Variants in RIN2 observed in about 807,000 individuals in gnomAD.
RIN2 encodes Ras and Rab interactor 2.
RIN2 carries 36 observed loss-of-function variants against 78.0 expected under a neutral mutation model. The observed-to-expected ratio is 0.46, with a 90% CI of 0.35 to 0.61. The LOEUF is 0.61. Ranked by LOEUF, RIN2 falls within the 20% of genes least tolerant of loss-of-function variation. The pLI is 0.00. For synonymous variants in RIN2, 466 were observed against 466.8 expected, an observed-to-expected ratio of 1.00 and a Z score of 0.02; for missense variants, 1,087 against 1,159.7, an observed-to-expected ratio of 0.94 and a Z score of 0.91.
intron 1 of RIN2, among the ~76,000 whole-genome samples, chr20:19,764,317 T>C (rs1454330084): frequency 2.0e-5 from 3 of 152,194 alleles, no homozygotes; most frequent in Admixed American, 6.5e-5. Context: ...AGCAGACATC[T>C]GTCCTGTGTG....
intron 1 of RIN2, among the ~76,000 whole-genome samples, chr20:19,765,995 A>T (rs532047439): frequency 6.6e-6 from 1 of 152,218 alleles, no homozygotes; most frequent in East Asian, 1.9e-4. Context: ...TCCTAGGTTG[A>T]CGGAGGCGCT....
At chr20:19,992,809 A>G (rs2042837034) in intron 11 of RIN2, among the ~76,000 whole-genome samples, 1 of 152,254 alleles carries the variant, frequency 6.6e-6, no homozygotes, top group Non-Finnish European at 1.5e-5. Context: ...TTCCATTGCC[A>G]GGAAAATAAC....
chr20:19,812,454 A>G (rs1470623272), intron 2 of RIN2, among the ~76,000 whole-genome samples: 6 of 152,132 alleles, frequency 3.9e-5, no homozygotes, highest in Non-Finnish European at 7.4e-5. Flanking sequence ...GCCTTTCCCT[A>G]CAGACTAATG....
At chr20:19,890,731 A>G (rs1314285075) in intron 3 of RIN2, among the ~76,000 whole-genome samples, 1 of 151,350 alleles carries the variant, frequency 6.6e-6, no homozygotes, top group Non-Finnish European at 1.5e-5. Flanking sequence ...TGATAAAGCA[A>G]AGTTCATGAG....
chr20:19,968,711 T>C (rs1337419993), intron 7 of RIN2, among the ~76,000 whole-genome samples: 7 of 151,946 alleles, frequency 4.6e-5, no homozygotes, highest in African/African-American at 1.7e-4. Flanking sequence ...TAAACACAGG[T>C]TGGTTTTGTG....
At chr20:19,867,900 G>A (rs1434369625) in intron 2 of RIN2, among the ~76,000 whole-genome samples, 1 of 152,240 alleles carries the variant, frequency 6.6e-6, no homozygotes, top group Non-Finnish European at 1.5e-5. Flanking sequence ...TGTGCAGCTG[G>A]GTGAGCCGGC....
chr20:19,871,068 C>T (rs528444900), intron 2 of RIN2, among the ~76,000 whole-genome samples: 22 of 152,292 alleles, frequency 1.4e-4, no homozygotes, highest in African/African-American at 5.1e-4. Context: ...TTCAAGGGCT[C>T]ATTTGTATTG....
At chr20:19,961,237 C>T (rs1267571714) in intron 6 of RIN2, among the ~76,000 whole-genome samples, 1 of 152,116 alleles carries the variant, frequency 6.6e-6, no homozygotes, top group East Asian at 1.9e-4. Context: ...ATAAATAATC[C>T]CTGAGCAGAC....
intron 1 of RIN2, among the ~76,000 whole-genome samples, chr20:19,788,450 C>CAAAAAAAAAACAAAAAAAAA (rs908072671): frequency 9.7e-6 from 1 of 103,520 alleles, no homozygotes; most frequent in Admixed American, 8.7e-5. Context: ...AAAAAAAAAA[C>CAAAAAAAAAACAAAAAAAAA]AACTAGCTAG....
At chr20:19,992,373 A>G in intron 11 of RIN2, 74 bp downstream of exon 11, 1 of 1,388,320 alleles carries the variant, frequency 7.2e-7, no homozygotes, top group South Asian at 1.4e-5. Flanking sequence ...GACGAAATTC[A>G]TGTCACATAA....
chr20:19,848,532 C>T (rs1222215790), intron 2 of RIN2, among the ~76,000 whole-genome samples: 1 of 99,274 alleles, frequency 1.0e-5, no homozygotes, highest in African/African-American at 5.3e-5. Context: ...AAGACTCCAT[C>T]TCAAAAAAAA....
intron 12 of RIN2, 147 bp downstream of exon 12, chr20:19,996,989 C>A: frequency 1.2e-6 from 1 of 822,788 alleles, no homozygotes; most frequent in Non-Finnish European, 1.9e-6. Flanking sequence ...CCTTGTTACA[C>A]TGATCTGTTT....
intron 3 of RIN2, among the ~76,000 whole-genome samples, chr20:19,917,122 A>AG (rs2039717015): frequency 6.6e-6 from 1 of 151,382 alleles, no homozygotes; most frequent in Non-Finnish European, 1.5e-5. Context: ...AAAAAAAAAA[A>AG]GGCAGGCGGA....
chr20:19,931,246 A>G (rs1033829725), intron 3 of RIN2, among the ~76,000 whole-genome samples: 23 of 152,370 alleles, frequency 1.5e-4, no homozygotes, highest in African/African-American at 5.5e-4. Context: ...ATCTATAAAC[A>G]TACAGTACAG....
intron 2 of RIN2, chr20:19,886,531 T>G: frequency 5.1e-6 from 3 of 582,556 alleles, no homozygotes; most frequent in Admixed American, 3.1e-5. Context: ...CTTTCAGTGG[T>G]GTTGTTGAAA....
At chr20:19,905,991 A>G (rs1480330559) in intron 3 of RIN2, among the ~76,000 whole-genome samples, 1 of 143,940 alleles carries the variant, frequency 6.9e-6, no homozygotes, top group African/African-American at 2.6e-5. Flanking sequence ...CAGTATCTCT[A>G]TTTCACAAAC....
At position 19,974,711 on chromosome 20, in the gene RIN2, C is replaced by T. The variant is rs2042212433; in HGVS notation, c.686C>T (p.Pro229Leu). ...CCGAACCTTCCACCTCCCCATAGGCCTCTTTCCTCCGACGGTGTCTGTCCT... is the reference window on the plus strand; with the variant it reads ...CCGAACCTTCCACCTCCCCATAGGCTTCTTTCCTCCGACGGTGTCTGTCCT... Reference protein sequence around the residue: ...KPPNLPPPHRPLSSDGVCPAS... With the variant: ...KPPNLPPPHRLLSSDGVCPAS... Residue 229 changes from proline (P) to leucine (L), a missense_variant, in exon 9 of 13, where the codon CCT becomes CTT. By Grantham distance (98) the Pro-to-Leu change is moderately conservative. Around this residue, in one of 8 missense-constraint regions of RIN2, gnomAD observed 706 missense variants for 667.5 expected, o/e 1.06. Transcript: ENST00000255006. 4 of 1,614,048 alleles carry T rather than the reference C, an allele frequency of 2.5e-6. No homozygotes were observed. Among genetic ancestry groups the T allele is most frequent in the Middle Eastern group, 1.6e-4 (1 of 6,062 alleles).
At chr20:19,786,233 C>T (rs1009029293) in intron 1 of RIN2, among the ~76,000 whole-genome samples, 1 of 152,130 alleles carries the variant, frequency 6.6e-6, no homozygotes, top group African/African-American at 2.4e-5. Flanking sequence ...AATAATACTG[C>T]ATTACTTCTG....
At chr20:19,838,390 G>A (rs76557457) in intron 2 of RIN2, among the ~76,000 whole-genome samples, 1,656 of 152,172 alleles carry the variant, frequency 0.011, 19 homozygotes, top group East Asian at 0.036. Context: ...GTACTATAAG[G>A]TTCATACATA....
Sources: gnomAD v4.1 joint callset for allele counts (sites outside exome capture counted in the v4.1 genomes callset) on GRCh38, gnomAD v4.1.1 for gene constraint, gnomAD v4.1.1 regional missense constraint, MANE v1.5 for transcripts, NCBI Gene and HGNC (gene_info 2026-07-23, HGNC 2026-07-21) for gene names.